The following SLC23A2 variants were observed in gnomAD, a reference collection of about 807,000 sequenced individuals.
The protein encoded by SLC23A2 is Na(+)/L-ascorbic acid transporter 2.
Under a neutral mutation model 73.3 loss-of-function variants are expected in SLC23A2, and 36 were observed. The observed-to-expected ratio is 0.49, with a 90% confidence interval of 0.38 to 0.65. The LOEUF is 0.65. Among genes scored for constraint, SLC23A2 ranks in the 30% least tolerant of loss-of-function variants. The pLI, the probability that SLC23A2 is intolerant of heterozygous loss-of-function variation, is 0.00. For synonymous variants in SLC23A2, 343 were observed against 327.3 expected, an observed-to-expected ratio of 1.05 and a Z score of -0.52; for missense variants, 507 against 841.6, an observed-to-expected ratio of 0.60 and a Z score of 4.92.
chr20:4,918,381 T>C (rs1213773848), intron 3 of SLC23A2, among the ~76,000 whole-genome samples: 1 of 152,126 alleles, frequency 6.6e-6, no homozygotes, highest in Non-Finnish European at 1.5e-5. Flanking sequence ...TGAAAGGAGG[T>C]TTTCTCTGCC....
chr20:4,957,582 CAAA>C (rs750802378), intron 2 of SLC23A2, among the ~76,000 whole-genome samples: 3 of 100,234 alleles, frequency 3.0e-5, no homozygotes, highest in Admixed American at 1.1e-4. Flanking sequence ...ACTATAACCT[CAAA>C]AAAAAAAAAA....
intron 2 of SLC23A2, among the ~76,000 whole-genome samples, chr20:4,949,004 G>A (rs1472963055): frequency 6.6e-6 from 1 of 152,076 alleles, no homozygotes; most frequent in African/African-American, 2.4e-5. Flanking sequence ...GGAAAACATA[G>A]GCTGGGCACG....
intron 9 of SLC23A2, among the ~76,000 whole-genome samples, chr20:4,876,973 A>G (rs1930681129): frequency 6.6e-6 from 1 of 151,942 alleles, no homozygotes; most frequent in Non-Finnish European, 1.5e-5. Flanking sequence ...AGAGATTTGC[A>G]GCAGCACCTT....
At position 4,902,418 on chromosome 20, in the gene SLC23A2, C is replaced by T; in HGVS notation, c.324+24G>A. On this transcript the variant is annotated intron_variant, in intron 5 of 16. Coordinates refer to ENST00000338244, the MANE Select transcript of SLC23A2 (RefSeq NM_005116.6). The surrounding 1 kb of genome is among the most constrained non-coding windows in gnomAD (Gnocchi z 4.0). ...CAATGCAAACACCTGCTGGTAGTTACACATCCTACAGGAACCATCTTACCT... is the reference window on the plus strand; with the variant it reads ...CAATGCAAACACCTGCTGGTAGTTATACATCCTACAGGAACCATCTTACCT... 7.9e-7 allele frequency: 1 copy of T among 1,260,130 alleles called. No homozygotes were observed. 78.1% of individuals were successfully genotyped at this position (1,260,130 alleles called of 1,614,324 possible).
chr20:4,867,977 G>T, intron 12 of SLC23A2, 102 bp from the exon 13 acceptor site: 1 of 660,152 alleles, frequency 1.5e-6, no homozygotes, highest in Non-Finnish European at 2.6e-6. Flanking sequence ...GTGGTCCAGA[G>T]CCTGCAGCTT....
rs986394123 is a variant in SLC23A2 at position 4,962,176 on chromosome 20, C to G, written c.-155+8617G>C. On this transcript the variant is annotated intron_variant, in intron 2 of 16. Transcript: ENST00000338244. ...AAAAAAATCAAAGTCCAGCTGAGCC[C>G]AGAACTCATAATATGAAATAGAGAA... is the stretch of plus-strand genomic sequence containing the variant. Among the ~76,000 whole-genome samples, 4 of 151,864 alleles carry G rather than the reference C, an allele frequency of 2.6e-5. No individual in the cohort carries two copies. In the East Asian group the frequency reaches 7.7e-4, roughly 29 times the overall value.
At chr20:4,955,354 AAAACAC>A (rs2087267226) in intron 2 of SLC23A2, among the ~76,000 whole-genome samples, 1 of 105,012 alleles carries the variant, frequency 9.5e-6, no homozygotes, top group Non-Finnish European at 1.9e-5. Context: ...AAAATGAGTT[AAAACAC>A]ACACACACAC....
chr20:4,977,278 A>G (rs2087656968), intron 1 of SLC23A2, among the ~76,000 whole-genome samples: 1 of 152,206 alleles, frequency 6.6e-6, no homozygotes, highest in Admixed American at 6.5e-5. Context: ...GACACTTACT[A>G]CAATATTAAC....
intron 2 of SLC23A2, among the ~76,000 whole-genome samples, chr20:4,951,879 G>A (rs1182837793): frequency 6.6e-6 from 1 of 151,928 alleles, no homozygotes; most frequent in Non-Finnish European, 1.5e-5. Flanking sequence ...TGAGGCAGAC[G>A]ATCACCTAAG....
chr20:4,961,676 A>G (rs2087392892), intron 2 of SLC23A2, among the ~76,000 whole-genome samples: 1 of 152,188 alleles, frequency 6.6e-6, no homozygotes, highest in African/African-American at 2.4e-5. Context: ...TGAACACATG[A>G]CTGAGATTCC....
At chr20:4,878,592 G>A (rs1056272215) in intron 9 of SLC23A2, among the ~76,000 whole-genome samples, 2 of 151,960 alleles carry the variant, frequency 1.3e-5, no homozygotes, top group African/African-American at 4.8e-5. Flanking sequence ...CCCTCCCTTA[G>A]GATTAAAAAC....
In SLC23A2 at chr20:4,868,175, G is replaced by C. The variant is rs956490973; in HGVS notation, c.1251-300C>G. Among the ~76,000 whole-genome samples, 3 of 149,276 alleles carry C rather than the reference G, an allele frequency of 2.0e-5. No individual in the cohort carries two copies. The highest frequency in any genetic ancestry group is 7.5e-5 in the African/African-American group (3 of 40,028). On this transcript the variant is annotated intron_variant, in intron 12 of 16. Transcript: ENST00000338244. The surrounding 1 kb of genome is among the most constrained non-coding windows in gnomAD (Gnocchi z 4.4). ...GCTCACTGCAACCTCCACCTCCTGG[G>C]TTCAAGAGATTCTCCTGCCTCCCGA...
intron 11 of SLC23A2, among the ~76,000 whole-genome samples, chr20:4,871,240 C>A (rs1930434814): frequency 6.6e-6 from 1 of 152,124 alleles, no homozygotes; most frequent in Non-Finnish European, 1.5e-5. Context: ...GGACACAGGA[C>A]ACTCCAAAAG....
At chr20:5,000,596 C>T (rs868437467) in intron 1 of SLC23A2, among the ~76,000 whole-genome samples, 9 of 152,168 alleles carry the variant, frequency 5.9e-5, no homozygotes, top group Non-Finnish European at 1.0e-4. Context: ...CTTTCTTCCA[C>T]CTGCAGTTGC....
intron 1 of SLC23A2, among the ~76,000 whole-genome samples, chr20:4,988,826 C>T (rs1026503163): frequency 8.6e-5 from 13 of 151,876 alleles, no homozygotes; most frequent in African/African-American, 2.4e-4. Flanking sequence ...ACAGGAGAAG[C>T]GCTTGAACCT....
At chr20:4,864,427 A>G (rs889800407) in intron 13 of SLC23A2, among the ~76,000 whole-genome samples, 4 of 151,956 alleles carry the variant, frequency 2.6e-5, no homozygotes, top group Admixed American at 2.0e-4. Context: ...AGCTGGACTC[A>G]GTCACTGTCT....
chr20:4,904,822 G>A (rs1396605279), intron 4 of SLC23A2, among the ~76,000 whole-genome samples: 1 of 152,176 alleles, frequency 6.6e-6, no homozygotes. Flanking sequence ...TTATAAGGCA[G>A]ATGAAAAGAC....
At chr20:4,909,707 T>C (rs1332910738) in intron 4 of SLC23A2, among the ~76,000 whole-genome samples, 2 of 152,066 alleles carry the variant, frequency 1.3e-5, no homozygotes, top group Non-Finnish European at 2.9e-5. Flanking sequence ...GCGAATGTCA[T>C]GAAGCCCGGC....
In SLC23A2 at chr20:4,899,919, G is replaced by C. The variant is rs547316445; in HGVS notation, c.325-207C>G. On this transcript the variant is annotated intron_variant, in intron 5 of 16. Transcript: ENST00000338244. This position sits in a 1 kb window ranked among gnomAD's most constrained non-coding sequence, Gnocchi z 4.9. ...CAGTTTCACTCCCATTGCCCTCGACGGAGTGCAATGGTGCGATCTTGGCTC... is the reference window on the plus strand; with the variant it reads ...CAGTTTCACTCCCATTGCCCTCGACCGAGTGCAATGGTGCGATCTTGGCTC... Among the ~76,000 whole-genome samples, 29 of 152,218 alleles carry C rather than the reference G, an allele frequency of 1.9e-4. No individual in the cohort carries two copies. Among genetic ancestry groups the C allele is most frequent in the Admixed American group, 4.6e-4 (7 of 15,292 alleles).
Sources: gnomAD v4.1 joint callset for allele counts (sites outside exome capture counted in the v4.1 genomes callset) on GRCh38, gnomAD v4.1.1 for gene constraint, Gnocchi (gnomAD v3.1) non-coding constraint, MANE v1.5 for transcripts, NCBI Gene and HGNC (gene_info 2026-07-23, HGNC 2026-07-21) for gene names.